The following RBFOX1 variants were observed in gnomAD, a reference collection of about 807,000 sequenced individuals.
RBFOX1 encodes the protein RNA binding fox-1 homolog 1.
In RBFOX1, 8 loss-of-function variants were observed where a neutral mutation model predicts 57.7. The ratio of observed to expected loss-of-function variants is 0.14; its 90% CI spans 0.08 to 0.25. The LOEUF (loss-of-function observed/expected upper bound fraction) is 0.25, where lower values mean the gene tolerates loss of function less well. Ranked by LOEUF, RBFOX1 falls within the 10% of genes least tolerant of loss-of-function variation. The pLI, the probability that RBFOX1 is intolerant of heterozygous loss-of-function variation, is 1.00. For synonymous variants in RBFOX1, 326 were observed against 222.4 expected (o/e 1.47, Z -4.15); for missense variants, 611 against 548.5 (o/e 1.11, Z -1.14).
intron 4 of RBFOX1, among the ~76,000 whole-genome samples, chr16:7,330,239 A>T (rs1030708231): frequency 6.6e-6 from 1 of 152,132 alleles, no homozygotes; most frequent in African/African-American, 2.4e-5. Context: ...TAACCTATGC[A>T]CATCTTCCCG....
At chr16:6,697,186 A>G (rs1452848249) in intron 3 of RBFOX1, among the ~76,000 whole-genome samples, 3 of 152,342 alleles carry the variant, frequency 2.0e-5, no homozygotes, top group East Asian at 3.9e-4. Context: ...ATGATGTTAT[A>G]TATTATAATA....
chr16:5,685,429 C>A (rs778175290), intron 3 of RBFOX1, among the ~76,000 whole-genome samples: 17 of 152,218 alleles, frequency 1.1e-4, no homozygotes, highest in Non-Finnish European at 1.8e-4. Flanking sequence ...TTAAATCCAT[C>A]AGCCTAATAG....
intron 5 of RBFOX1, among the ~76,000 whole-genome samples, chr16:7,558,092 C>T (rs1033970329): frequency 5.3e-5 from 8 of 152,086 alleles, no homozygotes; most frequent in African/African-American, 1.7e-4. Context: ...TGGTAGCTCA[C>T]GCCTGTAATT....
At chr16:7,520,954 A>G (rs1448801946) in intron 5 of RBFOX1, among the ~76,000 whole-genome samples, 2 of 152,244 alleles carry the variant, frequency 1.3e-5, no homozygotes, top group Non-Finnish European at 2.9e-5. Context: ...ATGGTTGAAC[A>G]AAACAAAATG....
intron 1 of RBFOX1, among the ~76,000 whole-genome samples, chr16:6,140,531 T>G (rs897876603): frequency 6.6e-6 from 1 of 152,124 alleles, no homozygotes; most frequent in African/African-American, 2.4e-5. Flanking sequence ...GGGTGGCCTG[T>G]AGCAGGATCA....
intron 3 of RBFOX1, among the ~76,000 whole-genome samples, chr16:6,850,610 C>T (rs758739606): frequency 5.3e-5 from 8 of 152,162 alleles, no homozygotes; most frequent in African/African-American, 9.7e-5. Flanking sequence ...CTTCCCATGC[C>T]TTCCACAGAT....
chr16:6,907,555 T>C (rs1013508237), intron 3 of RBFOX1, among the ~76,000 whole-genome samples: 2 of 152,042 alleles, frequency 1.3e-5, no homozygotes, highest in Non-Finnish European at 2.9e-5. Flanking sequence ...TCTTAGCTTC[T>C]GTTTTTGTTT....
At chr16:6,787,975 C>T (rs1047011338) in intron 3 of RBFOX1, among the ~76,000 whole-genome samples, 1 of 146,700 alleles carries the variant, frequency 6.8e-6, no homozygotes, top group Non-Finnish European at 1.5e-5. Flanking sequence ...GTAATCCCAG[C>T]ACTTTGGGAG....
At chr16:5,737,495 TAAATA>T (rs1567470091) in intron 3 of RBFOX1, among the ~76,000 whole-genome samples, 2 of 119,898 alleles carry the variant, frequency 1.7e-5, no homozygotes, top group African/African-American at 5.9e-5. Flanking sequence ...CAAAAATAAA[TAAATA>T]AAATTAAAAC....
intron 2 of RBFOX1, among the ~76,000 whole-genome samples, chr16:6,609,493 G>A (rs1008983797): frequency 6.6e-6 from 1 of 152,030 alleles, no homozygotes; most frequent in Non-Finnish European, 1.5e-5. Flanking sequence ...ACAGGTGCAT[G>A]CCACCACACT....
intron 3 of RBFOX1, among the ~76,000 whole-genome samples, chr16:6,817,404 T>C (rs932914920): frequency 6.6e-6 from 1 of 151,938 alleles, no homozygotes; most frequent in African/African-American, 2.4e-5. Flanking sequence ...GTTTTAAAAT[T>C]AACTTTTAGC....
At chr16:5,538,354 G>C (rs1340825328) in intron 2 of RBFOX1, among the ~76,000 whole-genome samples, 1 of 152,160 alleles carries the variant, frequency 6.6e-6, no homozygotes, top group African/African-American at 2.4e-5. Flanking sequence ...CTTTCTAAAA[G>C]AAAATATTTA....
In RBFOX1 at chr16:7,002,661, G is replaced by A. The variant is rs530312594; in HGVS notation, c.-15-49396G>A. On this transcript the variant is annotated intron_variant, in intron 3 of 15. Coordinates refer to ENST00000550418, the MANE Select transcript of RBFOX1 (RefSeq NM_018723.4). ...TGGGAGGCAGAGGTTGCAGGGAGCC[G>A]AGATTGCGCCACTGCACTCCAGCCT... 2.6e-4 allele frequency among the ~76,000 whole-genome samples: 40 copies of A among 152,260 alleles called. 1 individual carries two copies. The highest frequency in any genetic ancestry group is 7.7e-4 in the African/African-American group (32 of 41,548).
chr16:6,690,235 C>G (rs914123274), intron 3 of RBFOX1, among the ~76,000 whole-genome samples: 7 of 152,154 alleles, frequency 4.6e-5, no homozygotes, highest in Admixed American at 1.3e-4. Flanking sequence ...GCATGACTCT[C>G]TAAGAAGATA....
At chr16:5,879,194 G>A (rs1400631195) in intron 4 of RBFOX1, among the ~76,000 whole-genome samples, 1 of 152,158 alleles carries the variant, frequency 6.6e-6, no homozygotes. Flanking sequence ...TAGCTAATGG[G>A]GACTGACTGC....
intron 1 of RBFOX1, among the ~76,000 whole-genome samples, chr16:6,098,688 C>T (rs1033286176): frequency 6.6e-6 from 1 of 152,222 alleles, no homozygotes; most frequent in East Asian, 1.9e-4. Flanking sequence ...AAAAGCTCAT[C>T]ATCTGAGACC....
At chr16:5,349,625 C>T (rs1439420023) in intron 1 of RBFOX1, among the ~76,000 whole-genome samples, 1 of 151,724 alleles carries the variant, frequency 6.6e-6, no homozygotes, top group Non-Finnish European at 1.5e-5. Flanking sequence ...GTGAGCCAGA[C>T]CATGCCATTG....
At chr16:6,352,045 C>T (rs1011733045) in intron 2 of RBFOX1, among the ~76,000 whole-genome samples, 3 of 152,056 alleles carry the variant, frequency 2.0e-5, no homozygotes, top group Non-Finnish European at 4.4e-5. Context: ...GTCTGTTGGG[C>T]AGGGAGAGAC....
At chr16:7,419,647 G>A (rs1470236162) in intron 4 of RBFOX1, among the ~76,000 whole-genome samples, 1 of 152,194 alleles carries the variant, frequency 6.6e-6, no homozygotes, top group Admixed American at 6.5e-5. Flanking sequence ...TCAGGGACAT[G>A]ACAGTTCTTT....
Sources: gnomAD v4.1 joint callset for allele counts (sites outside exome capture counted in the v4.1 genomes callset) on GRCh38, gnomAD v4.1.1 for gene constraint, MANE v1.5 for transcripts, NCBI Gene and HGNC (gene_info 2026-07-23, HGNC 2026-07-21) for gene names.